Variants in FREM1 observed in about 807,000 individuals in gnomAD.
FREM1 encodes the protein FRAS1-related extracellular matrix protein 1.
FREM1 carries 220 observed loss-of-function variants against 210.1 expected under a neutral mutation model. The ratio of observed to expected loss-of-function variants is 1.05; its 90% CI spans 0.94 to 1.17. The LOEUF (loss-of-function observed/expected upper bound fraction) is 1.17, where lower values mean the gene tolerates loss of function less well. Among genes scored for constraint, FREM1 ranks in the 50% most tolerant of loss-of-function variants. The pLI is 0.00. For synonymous variants in FREM1, 1,189 were observed against 980.2 expected, an observed-to-expected ratio of 1.21 and a Z score of -3.98; for missense variants, 3,454 against 2,675.5, an observed-to-expected ratio of 1.29 and a Z score of -6.42.
At chr9:14,782,767 G>A (rs1849832722) in intron 24 of FREM1, among the ~76,000 whole-genome samples, 1 of 152,180 alleles carries the variant, frequency 6.6e-6, no homozygotes, top group Non-Finnish European at 1.5e-5. Flanking sequence ...TATGTGCCAG[G>A]TGTTGTTCTA....
At chr9:14,860,580 T>TATAC (rs1554707085) in intron 3 of FREM1, among the ~76,000 whole-genome samples, 1 of 138,504 alleles carries the variant, frequency 7.2e-6, no homozygotes, top group Non-Finnish European at 1.5e-5. Flanking sequence ...CACATATATA[T>TATAC]ACACATATAT....
chr9:14,857,443 C>T (rs930731409), intron 5 of FREM1, 110 bp downstream of exon 5: 1 of 970,192 alleles, frequency 1.0e-6, no homozygotes, highest in African/African-American at 1.6e-5. Context: ...AGTTTTACCC[C>T]CAAAAGCACA....
intron 28 of FREM1, among the ~76,000 whole-genome samples, chr9:14,758,370 C>G (rs1844816144): frequency 6.6e-6 from 1 of 152,106 alleles, no homozygotes; most frequent in Non-Finnish European, 1.5e-5. Context: ...GCATATGGTG[C>G]TTTCTATGGA....
At chr9:14,825,583 G>T (rs1397176947) in intron 10 of FREM1, among the ~76,000 whole-genome samples, 1 of 115,644 alleles carries the variant, frequency 8.6e-6, no homozygotes, top group African/African-American at 3.3e-5. Context: ...CACAATTATA[G>T]TGAATCCAGT....
chr9:14,822,126 C>T (rs1326793651), intron 13 of FREM1, among the ~76,000 whole-genome samples: 4 of 152,164 alleles, frequency 2.6e-5, no homozygotes, highest in Non-Finnish European at 2.9e-5. Context: ...CCATGTAAGA[C>T]GTGACTTTGC....
In FREM1 at chr9:14,740,221, G is replaced by C; in HGVS notation, c.6268C>G (p.Leu2090Val). 1 of 1,612,372 alleles carries C rather than the reference G, an allele frequency of 6.2e-7. No individual in the cohort carries two copies. Among genetic ancestry groups the C allele is most frequent in the Non-Finnish European group, 8.5e-7 (1 of 1,178,838 alleles). The change falls in exon 36 of 37, where the codon CTT becomes GTT. Residue 2090 changes from leucine to valine, a missense_variant. Physicochemically the swap from Leu to Val is conservative, Grantham distance 32. Transcript: ENST00000380880. ...TGCTGCCTGGAGAATACAGTTACAA[G>C]GTTGCCCAGGTATCTAAATGCAAAT... is the stretch of plus-strand genomic sequence containing the variant. Reference protein sequence around the residue: ...QACREQYLGNLVTVFSRQHMR... With the variant: ...QACREQYLGNVVTVFSRQHMR...
chr9:14,846,180 T>C, intron 7 of FREM1, 89 bp from the exon 8 acceptor site: 2 of 1,078,832 alleles, frequency 1.9e-6, no homozygotes, highest in Non-Finnish European at 2.7e-6. Context: ...TATGCAGCCA[T>C]AAAAAATAAT....
intron 29 of FREM1, among the ~76,000 whole-genome samples, chr9:14,754,247 T>A (rs986584292): frequency 6.6e-6 from 1 of 152,192 alleles, no homozygotes; most frequent in Non-Finnish European, 1.5e-5. Context: ...ATGGCGCACA[T>A]CATCTCACCC....
chr9:14,828,844 C>T (rs1823005598), intron 10 of FREM1, among the ~76,000 whole-genome samples: 1 of 152,142 alleles, frequency 6.6e-6, no homozygotes, highest in Admixed American at 6.5e-5. Context: ...CTGAAAGTTC[C>T]ATGAGGCCAG....
intron 19 of FREM1, among the ~76,000 whole-genome samples, chr9:14,802,413 C>T (rs1048490017): frequency 2.0e-5 from 3 of 152,198 alleles, no homozygotes; most frequent in Non-Finnish European, 4.4e-5. Flanking sequence ...AAATCAACAA[C>T]AATGCCAAAG....
chr9:14,779,741 G>A (rs1415113822), intron 24 of FREM1, among the ~76,000 whole-genome samples: 38 of 152,148 alleles, frequency 2.5e-4, no homozygotes, highest in Non-Finnish European at 4.4e-5. Context: ...GGGCACGCGG[G>A]CCACAGACCA....
chr9:14,905,799 G>A (rs1256580727), intron 1 of FREM1, among the ~76,000 whole-genome samples: 1 of 152,140 alleles, frequency 6.6e-6, no homozygotes, highest in East Asian at 1.9e-4. Context: ...GCTGAGGCAG[G>A]AGAATGGCTT....
intron 28 of FREM1, among the ~76,000 whole-genome samples, chr9:14,758,451 T>C (rs996548044): frequency 1.3e-5 from 2 of 152,014 alleles, no homozygotes; most frequent in African/African-American, 4.8e-5. Context: ...TCTGGAAAAC[T>C]ATAGGGCATG....
At chr9:14,823,563 GCCCTGC>G (rs1359828769) in intron 12 of FREM1, among the ~76,000 whole-genome samples, 1 of 152,128 alleles carries the variant, frequency 6.6e-6, no homozygotes, top group Non-Finnish European at 1.5e-5. Context: ...AAGGAGCATG[GCCCTGC>G]CAACACCTTG....
At chr9:14,855,331 G>C (rs1260614149) in intron 5 of FREM1, among the ~76,000 whole-genome samples, 2 of 152,064 alleles carry the variant, frequency 1.3e-5, no homozygotes, top group East Asian at 3.9e-4. Flanking sequence ...TTGAAAATTT[G>C]GGCTATTTGG....
At chr9:14,851,190 G>C in intron 6 of FREM1, 94 bp downstream of exon 6, 2 of 875,186 alleles carry the variant, frequency 2.3e-6, no homozygotes, top group Non-Finnish European at 1.8e-6. Context: ...CTGAGGCAAT[G>C]AATGTACAAA....
At chr9:14,874,994 C>T (rs1833421931) in intron 1 of FREM1, among the ~76,000 whole-genome samples, 1 of 152,128 alleles carries the variant, frequency 6.6e-6, no homozygotes, top group Non-Finnish European at 1.5e-5. Flanking sequence ...TGAATATTGG[C>T]CCCCACTCTC....
Position 14,801,678 on chromosome 9 carries a change from C to T in FREM1, c.3668G>A (p.Ser1223Asn). Reference sequence around the variant, plus strand: ...AGTCTTGAGGAGTTCCATGGAAAAGCTGTGAACAGGTGCATGTTTCTGGTG... The same window carrying T: ...AGTCTTGAGGAGTTCCATGGAAAAGTTGTGAACAGGTGCATGTTTCTGGTG... ...NPHQKHAPVH[S>N]FSMELLKTGM... Residue 1223 changes from serine (S) to asparagine (N), a missense_variant, in exon 20 of 37, where the codon AGC becomes AAC. Coordinates refer to ENST00000380880, the MANE Select transcript of FREM1 (RefSeq NM_001379081.2). 6.2e-7 allele frequency: 1 copy of T among 1,613,446 alleles called. No homozygotes were observed. Among genetic ancestry groups the T allele is most frequent in the Non-Finnish European group, 8.5e-7 (1 of 1,179,386 alleles).
Position 14,806,822 on chromosome 9 carries a change from C to T in FREM1, c.3113G>A (p.Gly1038Asp). 6.2e-7 allele frequency: 1 copy of T among 1,603,500 alleles called. No individual in the cohort carries two copies. The highest frequency in any genetic ancestry group is 8.5e-7 in the Non-Finnish European group (1 of 1,174,318). ...AIGPVFVVDE[G>D]CSTALTVNHL... ...GTTAACAGTAAGGGCTGTTGAGCAG[C>T]CCTCATCTACAACAAACACGGGACC... The change falls in exon 18 of 37, where the codon GGC becomes GAC. Residue 1038 changes from glycine (G) to aspartate (D), a missense_variant. Coordinates refer to ENST00000380880, the MANE Select transcript of FREM1 (RefSeq NM_001379081.2).
Sources: allele counts gnomAD v4.1 joint callset (sites outside exome capture counted in the v4.1 genomes callset), GRCh38; gene constraint gnomAD v4.1.1; transcripts MANE v1.5; gene names NCBI Gene and HGNC (gene_info 2026-07-23, HGNC 2026-07-21).